TOP6BL: variants seen among roughly 807,000 people sequenced by gnomAD.
TOP6BL encodes the protein TOP6B like initiator of meiotic double strand breaks, also known as type 2 DNA topoisomerase 6 subunit B-like.
the TOP6BL span, chr11:66,748,503 A>G: frequency 7.8e-6 from 12 of 1,545,672 alleles, no homozygotes; most frequent in African/African-American, 1.2e-4. Flanking sequence ...AATGCTCTTC[A>G]TTGTGTAACA....
At chr11:66,767,640 T>G in the TOP6BL span, among the ~76,000 whole-genome samples, 3 of 152,222 alleles carry the variant, frequency 2.0e-5, no homozygotes, top group Non-Finnish European at 2.9e-5. Context: ...ACAGCCTTCT[T>G]TTTTCTTCAT....
At chr11:66,793,671 C>G in the TOP6BL span, among the ~76,000 whole-genome samples, 2 of 151,890 alleles carry the variant, frequency 1.3e-5, no homozygotes, top group Non-Finnish European at 2.9e-5. Context: ...GTCTTGAACT[C>G]CTGACCTCAG....
At chr11:66,839,126 C>T in the TOP6BL span, 7 of 456,152 alleles carry the variant, frequency 1.5e-5, no homozygotes, top group South Asian at 9.3e-5. Context: ...TACATGTCTC[C>T]TGCAGTGCTT....
At chr11:66,762,554 T>C in the TOP6BL span, 2 of 183,762 alleles carry the variant, frequency 1.1e-5, no homozygotes, top group Non-Finnish European at 2.2e-5. Flanking sequence ...ACTGCAACCT[T>C]CCGCCTCCTG....
At chr11:66,800,818 A>G in the TOP6BL span, 2 of 986,944 alleles carry the variant, frequency 2.0e-6, no homozygotes, top group Non-Finnish European at 3.0e-6. Flanking sequence ...CCTTGAAACT[A>G]ATTTTCTGAC....
chr11:66,751,814 C>T, the TOP6BL span, among the ~76,000 whole-genome samples: 1 of 152,096 alleles, frequency 6.6e-6, no homozygotes, highest in Non-Finnish European at 1.5e-5. Context: ...TGCAGTTTAG[C>T]CATATAGAAA....
the TOP6BL span, chr11:66,839,326 T>C: frequency 2.8e-5 from 11 of 393,404 alleles, no homozygotes; most frequent in East Asian, 2.2e-4. Context: ...CCCACAGATA[T>C]CAATAAACTT....
At chr11:66,794,475 G>T in the TOP6BL span, among the ~76,000 whole-genome samples, 2 of 152,120 alleles carry the variant, frequency 1.3e-5, no homozygotes, top group Non-Finnish European at 2.9e-5. Context: ...TAACCTTTTT[G>T]AGACTCTTTT....
the TOP6BL span, among the ~76,000 whole-genome samples, chr11:66,772,896 T>C: frequency 2.9e-3 from 437 of 152,360 alleles, 1 homozygote; most frequent in African/African-American, 0.01. Flanking sequence ...ACATATTCTC[T>C]GTTCTTCAAT....
At chr11:66,787,321 A>G in the TOP6BL span, among the ~76,000 whole-genome samples, 1 of 151,970 alleles carries the variant, frequency 6.6e-6, no homozygotes, top group Non-Finnish European at 1.5e-5. Flanking sequence ...GCCTTAGGAG[A>G]AACTTGTGCT....
At chr11:66,762,301 G>A in the TOP6BL span, 1 of 424,822 alleles carries the variant, frequency 2.4e-6, no homozygotes, top group South Asian at 2.3e-5. Flanking sequence ...CGGGGCGCCG[G>A]CCAGGAGCTG....
chr11:66,791,595 C>T, the TOP6BL span, among the ~76,000 whole-genome samples: 2 of 152,058 alleles, frequency 1.3e-5, no homozygotes, highest in African/African-American at 4.8e-5. Context: ...AAACATACTT[C>T]TATATTCTGT....
the TOP6BL span, among the ~76,000 whole-genome samples, chr11:66,841,110 A>ATTTTT: frequency 1.5e-4 from 13 of 84,628 alleles, no homozygotes; most frequent in Non-Finnish European, 1.8e-4. Flanking sequence ...GAGGCCTCTC[A>ATTTTT]TTTTTTTTTT....
At chr11:66,773,365 T>C in the TOP6BL span, among the ~76,000 whole-genome samples, 2 of 152,092 alleles carry the variant, frequency 1.3e-5, no homozygotes, top group South Asian at 2.1e-4. Context: ...TTTTTTTTTT[T>C]CCTGAGTGAG....
At chr11:66,796,364 G>A in the TOP6BL span, 1 of 1,602,704 alleles carries the variant, frequency 6.2e-7, no homozygotes, top group East Asian at 2.2e-5. Context: ...TGCACCCTAA[G>A]GTAAGCTGTT....
At chr11:66,753,497 C>G in the TOP6BL span, among the ~76,000 whole-genome samples, 4 of 151,542 alleles carry the variant, frequency 2.6e-5, no homozygotes, top group East Asian at 2.0e-4. Context: ...AGCTCCACCC[C>G]CTGGGTTCAC....
At chr11:66,803,322 C>A in the TOP6BL span, among the ~76,000 whole-genome samples, 3 of 152,184 alleles carry the variant, frequency 2.0e-5, no homozygotes, top group Non-Finnish European at 4.4e-5. Flanking sequence ...TATCTCACAC[C>A]TGTAGTCCCA....
the TOP6BL span, chr11:66,788,175 T>G: frequency 6.2e-7 from 1 of 1,613,508 alleles, no homozygotes; most frequent in Non-Finnish European, 8.5e-7. Flanking sequence ...CAGTCCATAC[T>G]GCCCGGAATC....
At chr11:66,827,348 C>T in the TOP6BL span, among the ~76,000 whole-genome samples, 1 of 152,240 alleles carries the variant, frequency 6.6e-6, no homozygotes, top group South Asian at 2.1e-4. Flanking sequence ...CCGCGCCCAG[C>T]CCACTTCTCC....
Sources: gnomAD v4.1 joint callset for allele counts (sites outside exome capture counted in the v4.1 genomes callset) on GRCh38, gnomAD v4.1.1 for gene constraint, MANE v1.5 for transcripts, NCBI Gene and HGNC (gene_info 2026-07-23, HGNC 2026-07-21) for gene names.